The following ZFP82 variants were observed in gnomAD, a reference collection of about 807,000 sequenced individuals.
ZFP82 encodes ZFP82 zinc finger protein, also known as zinc finger protein 82 homolog.
In ZFP82, 30 loss-of-function variants were observed where a neutral mutation model predicts 54.0. The observed-to-expected ratio is 0.56, with a 90% CI of 0.42 to 0.75. The LOEUF (loss-of-function observed/expected upper bound fraction) is 0.75. Ranked by LOEUF, ZFP82 falls within the 30% of genes least tolerant of loss-of-function variation. The pLI, the probability that ZFP82 is intolerant of heterozygous loss-of-function variation, is 0.00. For missense variants in ZFP82, 500 were observed against 636.8 expected, an observed-to-expected ratio of 0.79 and a Z score of 2.31; for synonymous variants, 194 against 209.5, an observed-to-expected ratio of 0.93 and a Z score of 0.64.
At position 36,389,352 on chromosome 19, in the gene ZFP82, T is replaced by C. The variant is rs1037179468; in HGVS notation, c.*3389A>G. 6.6e-6 allele frequency among the ~76,000 whole-genome samples: 1 copy of C among 152,202 alleles called. No individual in the cohort carries two copies. Among genetic ancestry groups the C allele is most frequent in the Non-Finnish European group, 1.5e-5 (1 of 68,038 alleles). ...CACGCCTGGCCCAAACTTGATTTTCTACTTTAAAAAACTTTATTATGGAAA... is the reference window on the plus strand; with the variant it reads ...CACGCCTGGCCCAAACTTGATTTTCCACTTTAAAAAACTTTATTATGGAAA... On this transcript the variant is annotated 3_prime_UTR_variant, in exon 5 of 5. Transcript: ENST00000392161.
Position 36,409,837 on chromosome 19 carries a change from CAGG to C in ZFP82, c.-51_-49del, listed in dbSNP as rs2032547273. 3.1e-6 allele frequency: 5 copies of C among 1,610,244 alleles called. No individual in the cohort carries two copies. The highest frequency in any genetic ancestry group is 2.2e-5 in the East Asian group (1 of 44,842). On this transcript the variant is annotated 5_prime_UTR_variant, in exon 2 of 5. Coordinates refer to ENST00000392161, the MANE Select transcript of ZFP82 (RefSeq NM_133466.4). ...TCAGTCCTCCTTGGGGTTTACTTGC[CAGG>C]AGAAGCACCGAGTCCACAGAGGCTG...
intron 1 of ZFP82, among the ~76,000 whole-genome samples, chr19:36,417,742 C>A (rs576469537): frequency 2.6e-5 from 4 of 152,136 alleles, no homozygotes; most frequent in Non-Finnish European, 4.4e-5. Context: ...GGGGCTAGAA[C>A]TGGAGTTCAC....
At chr19:36,397,082 C>A (rs1264645046) in intron 4 of ZFP82, among the ~76,000 whole-genome samples, 3 of 129,998 alleles carry the variant, frequency 2.3e-5, no homozygotes, top group Non-Finnish European at 3.1e-5. Context: ...AGTAATAAAG[C>A]ATAAACCAAT....
chr19:36,402,874 C>T (rs1422417784), intron 4 of ZFP82, among the ~76,000 whole-genome samples: 1 of 152,028 alleles, frequency 6.6e-6, no homozygotes, highest in African/African-American at 2.4e-5. Context: ...CGCGGTGGCT[C>T]ACGCCTGTAA....
At chr19:36,397,049 ATTAG>A (rs1195740294) in intron 4 of ZFP82, among the ~76,000 whole-genome samples, 3 of 152,076 alleles carry the variant, frequency 2.0e-5, no homozygotes, top group Non-Finnish European at 4.4e-5. Context: ...TAAAAGCAGA[ATTAG>A]TTAGAATACA....
chr19:36,384,447 G>T (rs1446283318), downstream of ZFP82: 2 of 152,134 alleles, frequency 1.3e-5, no homozygotes, highest in Admixed American at 6.5e-5. Context: ...TGCCAAAGTA[G>T]AATCACATCT....
At chr19:36,408,611 G>GGAGTT (rs2032524899) in intron 2 of ZFP82, among the ~76,000 whole-genome samples, 1 of 152,072 alleles carries the variant, frequency 6.6e-6, no homozygotes, top group South Asian at 2.1e-4. Context: ...CCTGAGGTCG[G>GGAGTT]GAGTTCGAGA....
rs2032154479 is a variant in ZFP82 at position 36,389,250 on chromosome 19, A to ATGGTCT, written c.*3485_*3490dup. Among the ~76,000 whole-genome samples, 1 of 151,994 alleles carries ATGGTCT rather than the reference A, an allele frequency of 6.6e-6. No homozygotes were observed. Among genetic ancestry groups the ATGGTCT allele is most frequent in the Non-Finnish European group, 1.5e-5 (1 of 67,990 alleles). On this transcript the variant is annotated 3_prime_UTR_variant, in exon 5 of 5. Coordinates refer to ENST00000392161, the MANE Select transcript of ZFP82 (RefSeq NM_133466.4). ...ACAGAGTTTCACCATGTTGGCCAGGATGGTCTTGATCTCCTGGCCTCAAAT... is the reference window on the plus strand; with the variant it reads ...ACAGAGTTTCACCATGTTGGCCAGGATGGTCTTGGTCTTGATCTCCTGGCCTCAAAT...
intron 1 of ZFP82, among the ~76,000 whole-genome samples, chr19:36,416,838 C>T (rs112050522): frequency 0.039 from 5,823 of 150,922 alleles, 354 homozygotes; most frequent in African/African-American, 0.13. Flanking sequence ...TTTGGGAGGC[C>T]GAGGCAGGCA....
intron 3 of ZFP82, 114 bp from the exon 4 acceptor site, chr19:36,405,786 A>G: frequency 3.4e-6 from 2 of 591,950 alleles, no homozygotes; most frequent in Non-Finnish European, 5.4e-6. Flanking sequence ...AGGCAAAACA[A>G]ATAAGTGAAA....
In ZFP82 at chr19:36,390,840, C is replaced by G. The variant is rs529716429; in HGVS notation, c.*1901G>C. On this transcript the variant is annotated 3_prime_UTR_variant, in exon 5 of 5. Transcript: ENST00000392161. ...CTGGAGTGCAGTGGCGCGATCTCGG[C>G]TCACTGCAAGCTCCGCCTCCCGGGT... 1 of 152,334 alleles carries G rather than the reference C, an allele frequency of 6.6e-6. No individual in the cohort carries two copies. The highest frequency in any genetic ancestry group is 1.9e-4 in the East Asian group (1 of 5,182). The allele number at this position is 152,334 out of a possible 1,614,324, so 9.4% of individuals were successfully genotyped here.
At chr19:36,403,156 TAAC>T (rs1334108866) in intron 4 of ZFP82, among the ~76,000 whole-genome samples, 2 of 142,252 alleles carry the variant, frequency 1.4e-5, no homozygotes, top group South Asian at 2.3e-4. Flanking sequence ...CAAAAAACAA[TAAC>T]AACAACAAAA....
At position 36,417,072 on chromosome 19, in the gene ZFP82, C is replaced by CAA. The variant is rs140495874; in HGVS notation, c.-79+1418_-79+1419dup. ...TGGGTGACAGAGCAAGACCCTGTCT[C>CAA]AAAAAAAAAAAAAAAAAAAAAAAAA... On this transcript the variant is annotated intron_variant, in intron 1 of 4. Transcript: ENST00000392161. Among the ~76,000 whole-genome samples, 45 of 65,658 alleles carry CAA rather than the reference C, an allele frequency of 6.9e-4. 1 individual carries two copies. The highest frequency in any genetic ancestry group is 1.8e-3 in the African/African-American group (30 of 16,552). The allele number at this position is 65,658 out of a possible 152,430, so 43.1% of individuals were successfully genotyped here. A position where few individuals can be genotyped will look rare whatever the true frequency, so the allele number is the denominator to read the frequency against.
In ZFP82 at chr19:36,389,512, A is replaced by G. The variant is rs1011623123; in HGVS notation, c.*3229T>C. 6.6e-6 allele frequency among the ~76,000 whole-genome samples: 1 copy of G among 152,196 alleles called. No homozygotes were observed. The highest frequency in any genetic ancestry group is 2.1e-4 in the South Asian group (1 of 4,832). ...CCCACCTTTTGTTTTTAAGTATTTA[A>G]AAGTAAATCACAGGCATAACATTTC... is the stretch of plus-strand genomic sequence containing the variant. On this transcript the variant is annotated 3_prime_UTR_variant, in exon 5 of 5. Coordinates refer to ENST00000392161, the MANE Select transcript of ZFP82 (RefSeq NM_133466.4).
intron 4 of ZFP82, among the ~76,000 whole-genome samples, chr19:36,399,229 T>C (rs868863377): frequency 2.6e-5 from 4 of 152,320 alleles, no homozygotes; most frequent in Middle Eastern, 6.8e-3. Flanking sequence ...GAAACACTCA[T>C]GAAGTATTTA....
At position 36,393,601 on chromosome 19, in the gene ZFP82, T is replaced by C; in HGVS notation, c.739A>G (p.Met247Val). Residue 247 changes from methionine (M) to valine (V), a missense_variant, in exon 5 of 5, where the codon ATG becomes GTG. Transcript: ENST00000392161. ...CGADLRVHQK[M>V]HIGEKPYECK... is the part of the protein sequence containing the mutation. ...TCATAGGGCTTCTCACCAATATGCA[T>C]TTTCTGATGTACTCTAAGATCTGCA... 1.2e-6 allele frequency: 2 copies of C among 1,613,884 alleles called. No homozygotes were observed. The highest frequency in any genetic ancestry group is 1.7e-6 in the Non-Finnish European group (2 of 1,179,970).
At chr19:36,408,681 G>A (rs2032526099) in intron 2 of ZFP82, among the ~76,000 whole-genome samples, 1 of 152,008 alleles carries the variant, frequency 6.6e-6, no homozygotes, top group South Asian at 2.1e-4. Context: ...AGTTGGGCCT[G>A]GTGGCACATG....
Position 36,409,886 on chromosome 19 carries a change from G to A in ZFP82, c.-78-19C>T, listed in dbSNP as rs1600108984. 7.5e-7 allele frequency: 1 copy of A among 1,332,660 alleles called. No homozygotes were observed. The highest frequency in any genetic ancestry group is 2.3e-5 in the East Asian group (1 of 43,454). The allele number at this position is 1,332,660 out of a possible 1,614,324, so 82.6% of individuals were successfully genotyped here. On this transcript the variant is annotated intron_variant, in intron 1 of 4. Coordinates refer to ENST00000392161, the MANE Select transcript of ZFP82 (RefSeq NM_133466.4). The stretch of plus-strand genomic sequence containing the variant: ...GGCTGATCTAGGGAGAGGAAAACAA[G>A]GCCATGAGATCAGATGGACCTCAGA...
intron 1 of ZFP82, 26 bp from the exon 2 acceptor site, chr19:36,409,893 A>T (rs2032548392): frequency 1.3e-5 from 16 of 1,220,630 alleles, no homozygotes; most frequent in Non-Finnish European, 1.9e-5. Flanking sequence ...CAAGGCCATG[A>T]GATCAGATGG....
Sources: gnomAD v4.1 joint callset for allele counts (sites outside exome capture counted in the v4.1 genomes callset) on GRCh38, gnomAD v4.1.1 for gene constraint, MANE v1.5 for transcripts, NCBI Gene and HGNC (gene_info 2026-07-23, HGNC 2026-07-21) for gene names.